RGPD4: variants seen among roughly 807,000 people sequenced by gnomAD.
The protein encoded by RGPD4 is ranBP2-like and GRIP domain-containing protein 4.
RGPD4 carries 84 observed loss-of-function variants against 141.1 expected under a neutral mutation model. The ratio of observed to expected loss-of-function variants is 0.60; its 90% CI spans 0.50 to 0.71. RGPD4 has a LOEUF of 0.71. Ranked by LOEUF, RGPD4 falls within the 30% of genes least tolerant of loss-of-function variation. The pLI, the probability that RGPD4 is intolerant of heterozygous loss-of-function variation, is 0.00. For missense variants in RGPD4, 918 were observed against 1,622.4 expected (o/e 0.57, Z 7.46); for synonymous variants, 298 against 566.8 (o/e 0.53, Z 6.74).
rs1456493647 is a variant in RGPD4 at position 107,828,627 on chromosome 2, G to A, written c.72+1542G>A. ...GGCGGCGGCGGCCTCGACCTGGCCCGGCGGCGGCCTCGATGGCTCAGGCAT... is the reference window on the plus strand; with the variant it reads ...GGCGGCGGCGGCCTCGACCTGGCCCAGCGGCGGCCTCGATGGCTCAGGCAT... On this transcript the variant is annotated intron_variant, in intron 1 of 22. Transcript: ENST00000408999. 5.9e-5 allele frequency among the ~76,000 whole-genome samples: 6 copies of A among 101,728 alleles called. 1 individual carries two copies. The East Asian group carries it at 2.0e-3, about 35-fold the overall frequency. 66.7% of individuals were successfully genotyped at this position (101,728 alleles called of 152,430 possible). A position where few individuals can be genotyped will look rare whatever the true frequency, so the allele number is the denominator to read the frequency against.
At chr2:107,832,731 T>C (rs922922913) in intron 1 of RGPD4, among the ~76,000 whole-genome samples, 2 of 151,910 alleles carry the variant, frequency 1.3e-5, no homozygotes, top group African/African-American at 4.8e-5. Flanking sequence ...GAATTCTGAG[T>C]TTGAAATAAT....
intron 1 of RGPD4, among the ~76,000 whole-genome samples, chr2:107,836,381 G>T (rs1681663923): frequency 9.4e-6 from 1 of 106,868 alleles, no homozygotes; most frequent in Admixed American, 8.7e-5. Context: ...CCAAAGTGCT[G>T]GGATTACAGG....
chr2:107,868,891 T>C, intron 18 of RGPD4, among the ~76,000 whole-genome samples: 1 of 28,676 alleles, frequency 3.5e-5, no homozygotes. Flanking sequence ...CAGACTAAGA[T>C]TTTTTTTTTA....
chr2:107,877,980 T>C (rs1307945971), intron 20 of RGPD4, among the ~76,000 whole-genome samples: 3 of 151,318 alleles, frequency 2.0e-5, no homozygotes, highest in Admixed American at 6.6e-5. Context: ...GCCTGGCTAA[T>C]TTTTGCATTT....
intron 1 of RGPD4, among the ~76,000 whole-genome samples, chr2:107,834,312 C>T (rs1361466933): frequency 1.3e-5 from 2 of 149,702 alleles, no homozygotes; most frequent in African/African-American, 5.0e-5. Context: ...ACAGTAGTCC[C>T]TTCTTATCCA....
At position 107,880,259 on chromosome 2, in the gene RGPD4, C is replaced by CTTTTTTTTTTTTTT. The variant is rs58305715; in HGVS notation, c.5064+163_5064+176dup. ...GATTCCTGATGGTGAGAAATATTGC[C>CTTTTTTTTTTTTTT]TTTTTTTTTTTTTTTTTTTTTTTTG... is the stretch of plus-strand genomic sequence containing the variant. On this transcript the variant is annotated intron_variant, in intron 21 of 22. Transcript: ENST00000408999. Among the ~76,000 whole-genome samples the CTTTTTTTTTTTTTT allele has an allele frequency of 4.2e-5, 2 of 48,184 alleles. 1 individual carries two copies. Among genetic ancestry groups the CTTTTTTTTTTTTTT allele is most frequent in the Non-Finnish European group, 6.9e-5 (2 of 29,094 alleles). The allele number at this position is 48,184 out of a possible 152,430, so 31.6% of individuals were successfully genotyped here.
chr2:107,829,349 AGGCGGCGGCCTCTACCTGGCCC>A (rs1426638697), intron 1 of RGPD4, among the ~76,000 whole-genome samples: 1 of 34,550 alleles, frequency 2.9e-5, no homozygotes, highest in African/African-American at 1.2e-4. Context: ...CGCTCTGTTG[AGGCGGCGGCCTCTACCTGGCCC>A]GGCGGCGGCC....
chr2:107,884,043 T>C (rs1675440777), intron 22 of RGPD4, among the ~76,000 whole-genome samples: 1 of 152,026 alleles, frequency 6.6e-6, no homozygotes, highest in East Asian at 1.9e-4. Flanking sequence ...GTGAATGTCT[T>C]TTTATAGTAT....
intron 1 of RGPD4, among the ~76,000 whole-genome samples, chr2:107,835,114 G>T (rs1573467045): frequency 5.9e-5 from 2 of 34,116 alleles, no homozygotes; most frequent in South Asian, 1.6e-3. Flanking sequence ...GAATCATTCT[G>T]TTGCCCAGGC....
intron 9 of RGPD4, among the ~76,000 whole-genome samples, chr2:107,857,566 G>A (rs1018551903): frequency 2.0e-5 from 3 of 151,198 alleles, no homozygotes; most frequent in African/African-American, 4.9e-5. Context: ...CTGAGTAGCT[G>A]GTACCATAGG....
intron 22 of RGPD4, among the ~76,000 whole-genome samples, chr2:107,884,815 C>T (rs1444754830): frequency 2.6e-5 from 4 of 151,844 alleles, no homozygotes; most frequent in Admixed American, 2.6e-4. Context: ...AATTGCTGGT[C>T]CCCAATTTCT....
At chr2:107,877,504 TAAG>T (rs1164813593) in intron 20 of RGPD4, among the ~76,000 whole-genome samples, 1 of 151,282 alleles carries the variant, frequency 6.6e-6, no homozygotes, top group Non-Finnish European at 1.5e-5. Flanking sequence ...CAGCAACAAT[TAAG>T]AAGCTGCAGA....
intron 22 of RGPD4, among the ~76,000 whole-genome samples, chr2:107,890,508 C>T (rs557339080): frequency 8.1e-6 from 1 of 123,458 alleles, no homozygotes. Flanking sequence ...CTCATCACGC[C>T]ACTGCACTCC....
At chr2:107,886,719 A>T (rs1042454843) in intron 22 of RGPD4, among the ~76,000 whole-genome samples, 2 of 152,044 alleles carry the variant, frequency 1.3e-5, no homozygotes, top group Non-Finnish European at 2.9e-5. Flanking sequence ...CACTGCATAC[A>T]TGAGGGATGC....
At position 107,827,073 on chromosome 2, in the gene RGPD4, G is replaced by A. The variant is rs754548609; in HGVS notation, c.60G>A (p.Pro20=). 1.2e-5 allele frequency: 19 copies of A among 1,588,214 alleles called. No individual in the cohort carries two copies. The highest frequency in any genetic ancestry group is 2.8e-5 in the African/African-American group (2 of 72,044). ...RYVASVQGSA[P]SPRKKSTRGF... ...TCGCCTCCGTGCAGGGCTCCGCCCC[G>A]TCGCCTCGAAAGGTGAGTGGATCTC... Residue 20 remains proline (P), a synonymous_variant, in exon 1 of 23, where the codon CCG becomes CCA. Coordinates refer to ENST00000408999, the MANE Select transcript of RGPD4 (RefSeq NM_182588.3).
rs776335225 is a variant in RGPD4 at position 107,826,985 on chromosome 2, C to A, written c.-29C>A. 2.5e-6 allele frequency: 4 copies of A among 1,587,644 alleles called. No homozygotes were observed. The highest frequency in any genetic ancestry group is 3.4e-6 in the Non-Finnish European group (4 of 1,168,664). On this transcript the variant is annotated 5_prime_UTR_variant, in exon 1 of 23. Coordinates refer to ENST00000408999, the MANE Select transcript of RGPD4 (RefSeq NM_182588.3). ...GCTGCGGGGCTGAGCGCTGGTTTCA[C>A]GCGTCTCGGGAGCCAGGTTGGTGGC...
At position 107,834,485 on chromosome 2, in the gene RGPD4, G is replaced by A. The variant is rs1184643887; in HGVS notation, c.73-2117G>A. Among the ~76,000 whole-genome samples, 23 of 152,212 alleles carry A rather than the reference G, an allele frequency of 1.5e-4. 1 individual carries two copies. Among genetic ancestry groups the A allele is most frequent in the Middle Eastern group, 3.4e-3 (1 of 294 alleles). On this transcript the variant is annotated intron_variant, in intron 1 of 22. Coordinates refer to ENST00000408999, the MANE Select transcript of RGPD4 (RefSeq NM_182588.3). Reference sequence around the variant, plus strand: ...TCCTGCTCCGTCCTACCCAGGACACGAATCATCCCTTTGTCCAACATATTC... The same window carrying A: ...TCCTGCTCCGTCCTACCCAGGACACAAATCATCCCTTTGTCCAACATATTC...
rs1441954308 is a variant in RGPD4 at position 107,844,142 on chromosome 2, G to A, written c.782+412G>A. 4.0e-5 allele frequency among the ~76,000 whole-genome samples: 6 copies of A among 151,412 alleles called. No individual in the cohort carries two copies. The East Asian group carries it at 9.7e-4, about 24-fold the overall frequency. On this transcript the variant is annotated intron_variant, in intron 6 of 22. Transcript: ENST00000408999. Reference sequence around the variant, plus strand: ...CTAGTATAAGCACTTAGCATCACTGGTGTTTCAGAAAATACTGTTTTAGCT... The same window carrying A: ...CTAGTATAAGCACTTAGCATCACTGATGTTTCAGAAAATACTGTTTTAGCT...
At chr2:107,874,926 G>C (rs1173731518) in intron 20 of RGPD4, among the ~76,000 whole-genome samples, 1 of 148,268 alleles carries the variant, frequency 6.7e-6, no homozygotes, top group African/African-American at 2.6e-5. Flanking sequence ...GAGAGGGACA[G>C]ATTTAACATT....
Sources: gnomAD v4.1 joint callset for allele counts (sites outside exome capture counted in the v4.1 genomes callset) on GRCh38, gnomAD v4.1.1 for gene constraint, MANE v1.5 for transcripts, NCBI Gene and HGNC (gene_info 2026-07-23, HGNC 2026-07-21) for gene names.